PRR5L: variants seen among roughly 807,000 people sequenced by gnomAD.
PRR5L encodes proline-rich protein 5-like.
In PRR5L, 21 loss-of-function variants were observed where a neutral mutation model predicts 36.4. The ratio of observed to expected loss-of-function variants is 0.58; its 90% CI spans 0.41 to 0.83. The LOEUF (loss-of-function observed/expected upper bound fraction) is 0.83, where lower values mean the gene tolerates loss of function less well. PRR5L is among the 40% of genes least tolerant of loss of function. PRR5L has a pLI of 0.00. For missense variants in PRR5L, 381 were observed against 473.3 expected, an observed-to-expected ratio of 0.80 and a Z score of 1.81; for synonymous variants, 188 against 197.0, an observed-to-expected ratio of 0.95 and a Z score of 0.38.
chr11:36,320,312 C>T (rs1013388142), intron 1 of PRR5L, among the ~76,000 whole-genome samples: 2 of 143,286 alleles, frequency 1.4e-5, no homozygotes, highest in African/African-American at 5.2e-5. Flanking sequence ...GGTGCGATCT[C>T]GGCTCAGTGC....
intron 1 of PRR5L, among the ~76,000 whole-genome samples, chr11:36,345,099 G>A (rs972902192): frequency 1.3e-5 from 2 of 152,130 alleles, no homozygotes; most frequent in Non-Finnish European, 2.9e-5. Context: ...CAGGGTGAGA[G>A]CAGCGGCAGG....
intron 4 of PRR5L, among the ~76,000 whole-genome samples, chr11:36,427,787 C>T (rs943674928): frequency 7.9e-5 from 12 of 152,160 alleles, no homozygotes; most frequent in African/African-American, 2.9e-4. Flanking sequence ...TCCTGAATGC[C>T]ATTCTTCTCA....
intron 1 of PRR5L, chr11:36,375,881 C>T (rs1300597296): frequency 3.2e-5 from 8 of 250,700 alleles, no homozygotes; most frequent in Non-Finnish European, 5.7e-5. Context: ...ATATTTTCAT[C>T]AATGCACTTA....
intron 2 of PRR5L, among the ~76,000 whole-genome samples, chr11:36,402,122 A>G (rs1233797249): frequency 1.3e-5 from 2 of 152,200 alleles, no homozygotes; most frequent in Non-Finnish European, 2.9e-5. Context: ...AATCAGCACT[A>G]TGTCTTATAT....
At chr11:36,369,999 TTC>T (rs886563866) in intron 1 of PRR5L, among the ~76,000 whole-genome samples, 4 of 152,222 alleles carry the variant, frequency 2.6e-5, no homozygotes, top group African/African-American at 9.6e-5. Context: ...GCAAAAGGCC[TTC>T]TAGGAAATGA....
chr11:36,442,449 C>G (rs1858742243), intron 6 of PRR5L, among the ~76,000 whole-genome samples: 1 of 151,956 alleles, frequency 6.6e-6, no homozygotes, highest in African/African-American at 2.4e-5. Context: ...TCAAGCTATT[C>G]TCCTGCCTCA....
rs1383088613 is a variant in PRR5L, at chr11:36,395,419, GTT to G, written c.-125-5577_-125-5576del. On this transcript the variant is annotated intron_variant, in intron 1 of 8. Coordinates refer to ENST00000530639, the MANE Select transcript of PRR5L (RefSeq NM_001160167.2). The stretch of plus-strand genomic sequence containing the variant: ...AACAATTAAATAAAATTAAAATTCA[GTT>G]CCTCAGTTGCACTAGCCACATTTCA... Among the ~76,000 whole-genome samples, 5 of 152,300 alleles carry G rather than the reference GTT, an allele frequency of 3.3e-5. No homozygotes were observed. The East Asian group carries it at 9.6e-4, about 29-fold the overall frequency.
At chr11:36,360,775 C>T (rs1857078573) in intron 1 of PRR5L, among the ~76,000 whole-genome samples, 1 of 152,222 alleles carries the variant, frequency 6.6e-6, no homozygotes. Flanking sequence ...AGAACACTTA[C>T]ACCTGGTGAT....
At chr11:36,391,809 T>A (rs1237196227) in intron 1 of PRR5L, among the ~76,000 whole-genome samples, 1 of 152,250 alleles carries the variant, frequency 6.6e-6, no homozygotes, top group Non-Finnish European at 1.5e-5. Flanking sequence ...TTCAAGCATT[T>A]CTCCTTTCTT....
intron 1 of PRR5L, among the ~76,000 whole-genome samples, chr11:36,339,830 C>A (rs1275919097): frequency 6.6e-6 from 1 of 152,200 alleles, no homozygotes. Flanking sequence ...AGCTACCCCA[C>A]CCCATTAGGA....
chr11:36,303,626 C>G (rs1307956264), intron 1 of PRR5L, among the ~76,000 whole-genome samples: 1 of 152,174 alleles, frequency 6.6e-6, no homozygotes, highest in African/African-American at 2.4e-5. Flanking sequence ...CAAACCACAG[C>G]TCCTGGTCCC....
At chr11:36,346,017 C>CA (rs1856861590) in intron 1 of PRR5L, among the ~76,000 whole-genome samples, 1 of 152,146 alleles carries the variant, frequency 6.6e-6, no homozygotes, top group Admixed American at 6.5e-5. Context: ...TTGAGAGCCC[C>CA]TTGGCTCTCT....
rs561402029 is a variant in PRR5L, at chr11:36,444,443, G to A, written c.445-1857G>A. Reference sequence around the variant, plus strand: ...AAGAGGACTTGTAACTTTACCTTAAGCCCTTTTTCTGATCTGTTTTAATCT... The same window carrying A: ...AAGAGGACTTGTAACTTTACCTTAAACCCTTTTTCTGATCTGTTTTAATCT... On this transcript the variant is annotated intron_variant, in intron 6 of 8. Transcript: ENST00000530639. Among the ~76,000 whole-genome samples, 17 of 152,338 alleles carry A rather than the reference G, an allele frequency of 1.1e-4. No homozygotes were observed. In the South Asian group the frequency reaches 3.5e-3, roughly 32 times the overall value.
At chr11:36,312,151 C>A (rs1856510137) in intron 1 of PRR5L, among the ~76,000 whole-genome samples, 1 of 152,042 alleles carries the variant, frequency 6.6e-6, no homozygotes, top group South Asian at 2.1e-4. Flanking sequence ...TTACTGAATA[C>A]CGTTTTTTGA....
At chr11:36,413,186 G>A (rs114830991) in intron 3 of PRR5L, among the ~76,000 whole-genome samples, 2,184 of 152,280 alleles carry the variant, frequency 0.014, 53 homozygotes, top group African/African-American at 0.05. Flanking sequence ...CTGCTCACAG[G>A]CTGGCCTAGC....
chr11:36,313,894 G>T (rs1226220173), intron 1 of PRR5L, among the ~76,000 whole-genome samples: 1 of 152,164 alleles, frequency 6.6e-6, no homozygotes, highest in African/African-American at 2.4e-5. Context: ...TGGGCAGTTT[G>T]GTGTAGTGGT....
intron 3 of PRR5L, among the ~76,000 whole-genome samples, chr11:36,416,540 C>A (rs891884100): frequency 1.3e-5 from 2 of 152,216 alleles, no homozygotes; most frequent in Non-Finnish European, 2.9e-5. Context: ...GGCCCCTCTT[C>A]ATGTTCTACT....
At chr11:36,403,474 T>C (rs1857844016) in intron 3 of PRR5L, 96 bp downstream of exon 3, 4 of 894,714 alleles carry the variant, frequency 4.5e-6, no homozygotes, top group Non-Finnish European at 5.2e-6. Context: ...TTTTTTTTTT[T>C]TTTTTCCTGC....
At chr11:36,350,980 T>TATTTATATATATTTA (rs1856930186) in intron 1 of PRR5L, among the ~76,000 whole-genome samples, 1 of 43,378 alleles carries the variant, frequency 2.3e-5, no homozygotes, top group Non-Finnish European at 3.9e-5. Flanking sequence ...TTATATATAT[T>TATTTATATATATTTA]TATATATTTA....
Sources: allele counts gnomAD v4.1 joint callset (sites outside exome capture counted in the v4.1 genomes callset), GRCh38; gene constraint gnomAD v4.1.1; transcripts MANE v1.5; gene names NCBI Gene and HGNC (gene_info 2026-07-23, HGNC 2026-07-21).